Variants in KIAA1217 observed in about 807,000 individuals in gnomAD.
The protein encoded by KIAA1217 is KIAA1217, also known as sickle tail protein homolog.
In KIAA1217, 88 loss-of-function variants were observed where a neutral mutation model predicts 163.9. That is an observed-to-expected ratio of 0.54 (90% CI 0.45 to 0.64). The LOEUF is 0.64. KIAA1217 is among the 30% of genes least tolerant of loss of function. The pLI is 0.00. For missense variants in KIAA1217, 2,372 were observed against 2,475.0 expected, an observed-to-expected ratio of 0.96 and a Z score of 0.88; for synonymous variants, 903 against 923.1, an observed-to-expected ratio of 0.98 and a Z score of 0.39.
At chr10:24,486,909 TC>T (rs2065476011) in intron 6 of KIAA1217, among the ~76,000 whole-genome samples, 1 of 152,228 alleles carries the variant, frequency 6.6e-6, no homozygotes, top group African/African-American at 2.4e-5. Flanking sequence ...CATGTCTATG[TC>T]CTTAGTGCCT....
intron 2 of KIAA1217, among the ~76,000 whole-genome samples, chr10:24,166,525 G>A (rs1459272596): frequency 2.0e-5 from 3 of 152,084 alleles, no homozygotes; most frequent in African/African-American, 7.2e-5. Flanking sequence ...ATCACTTGAG[G>A]TAAGGGGTTC....
intron 3 of KIAA1217, among the ~76,000 whole-genome samples, chr10:24,397,010 G>C (rs11014078): frequency 5.9e-5 from 9 of 151,872 alleles, no homozygotes; most frequent in African/African-American, 2.2e-4. Context: ...GCAGGGAAAA[G>C]AATCTGGGTT....
In KIAA1217 at chr10:24,527,786, T is replaced by G. The variant is rs2072432439; in HGVS notation, c.2899-150T>G. The G allele has an allele frequency of 5.4e-6, 3 of 560,282 alleles. No individual in the cohort carries two copies. The East Asian group carries it at 8.3e-5, about 16-fold the overall frequency. The allele number at this position is 560,282 out of a possible 1,614,324, so 34.7% of individuals were successfully genotyped here. On this transcript the variant is annotated intron_variant, in intron 13 of 20. Coordinates refer to ENST00000376454, the MANE Select transcript of KIAA1217 (RefSeq NM_019590.5). ...TCATATGGGTTTGTTGTGCAGATTA[T>G]TTCATCACCCAGGTCTTAAGCCCAG...
At chr10:23,931,452 A>G (rs1225439672) in intron 1 of KIAA1217, among the ~76,000 whole-genome samples, 4 of 152,120 alleles carry the variant, frequency 2.6e-5, no homozygotes, top group South Asian at 2.1e-4. Context: ...AGGCCATCCC[A>G]TCTAACATTT....
intron 2 of KIAA1217, chr10:24,239,351 G>T (rs924060635): frequency 4.1e-6 from 4 of 971,424 alleles, no homozygotes; most frequent in Non-Finnish European, 4.9e-6. Context: ...AATATGCGGG[G>T]TTTTTTTCTT....
intron 2 of KIAA1217, among the ~76,000 whole-genome samples, chr10:24,047,805 A>G (rs977662528): frequency 6.6e-6 from 1 of 152,140 alleles, no homozygotes; most frequent in African/African-American, 2.4e-5. Flanking sequence ...TGGCACTCAA[A>G]TTTATTCTGG....
intron 13 of KIAA1217, among the ~76,000 whole-genome samples, chr10:24,526,109 A>G (rs1171335867): frequency 1.3e-5 from 2 of 152,072 alleles, no homozygotes; most frequent in Non-Finnish European, 2.9e-5. Context: ...TTGCCTCGTA[A>G]CTTTTCCTCC....
At chr10:24,109,046 G>A (rs566646699) in intron 2 of KIAA1217, among the ~76,000 whole-genome samples, 1 of 152,258 alleles carries the variant, frequency 6.6e-6, no homozygotes, top group South Asian at 2.1e-4. Flanking sequence ...TGGCCAGGCT[G>A]CTCTTGAACT....
At position 24,433,326 on chromosome 10, in the gene KIAA1217, GTTTT is replaced by G. The variant is rs145136433; in HGVS notation, c.752+136_752+139del. The G allele has an allele frequency of 2.2e-3, 1,385 of 644,150 alleles. 24 individuals are homozygous for G. The African/African-American group carries it at 0.024, about 11-fold the overall frequency. The allele number at this position is 644,150 out of a possible 1,614,324, so 39.9% of individuals were successfully genotyped here. On this transcript the variant is annotated intron_variant, in intron 4 of 20. Coordinates refer to ENST00000376454, the MANE Select transcript of KIAA1217 (RefSeq NM_019590.5). ...AGTGTTTTTTTGTTTTTTGTTTTTTGTTTTTTGTTTTTTGTTTGGTCCATCATAT... is the reference window on the plus strand; with the variant it reads ...AGTGTTTTTTTGTTTTTTGTTTTTTGTTGTTTTTTGTTTGGTCCATCATAT...
chr10:24,546,568 T>A lies in KIAA1217; in HGVS notation c.*244T>A, dbSNP rs927768626. 2 of 417,822 alleles carry A rather than the reference T, an allele frequency of 4.8e-6. No individual in the cohort carries two copies. The highest frequency in any genetic ancestry group is 4.1e-5 in the Admixed American group (1 of 24,352). 25.9% of individuals were successfully genotyped at this position (417,822 alleles called of 1,614,324 possible). On this transcript the variant is annotated 3_prime_UTR_variant, in exon 21 of 21. Transcript: ENST00000376454. ...ATACCTATAAAATGCAGTAAGCATG[T>A]GTTACAGAAAGAGGTTCTGGTGGGA...
chr10:23,713,260 T>A (rs552990154), intron 1 of KIAA1217, among the ~76,000 whole-genome samples: 8 of 152,256 alleles, frequency 5.3e-5, no homozygotes, highest in South Asian at 4.1e-4. Flanking sequence ...TTTGCTTGAC[T>A]TTTTGCTGCT....
chr10:24,409,068 T>C (rs951634758), intron 3 of KIAA1217, among the ~76,000 whole-genome samples: 1 of 152,206 alleles, frequency 6.6e-6, no homozygotes, highest in African/African-American at 2.4e-5. Flanking sequence ...TATTGGACTT[T>C]CGAAGCACTT....
At chr10:23,934,471 C>T (rs1843389514) in intron 1 of KIAA1217, among the ~76,000 whole-genome samples, 1 of 146,914 alleles carries the variant, frequency 6.8e-6, no homozygotes, top group Non-Finnish European at 1.5e-5. Flanking sequence ...AACAAATCTG[C>T]ACATTCTGCA....
chr10:23,962,671 A>G (rs1844868071), intron 1 of KIAA1217, among the ~76,000 whole-genome samples: 1 of 152,210 alleles, frequency 6.6e-6, no homozygotes, highest in Non-Finnish European at 1.5e-5. Context: ...AAATATTCTG[A>G]TTCCATCTAT....
At chr10:24,402,365 C>T (rs1296723118) in intron 3 of KIAA1217, among the ~76,000 whole-genome samples, 2 of 151,800 alleles carry the variant, frequency 1.3e-5, no homozygotes, top group Middle Eastern at 3.4e-3. Context: ...AAAAATTAGC[C>T]GGGCGTATTG....
chr10:24,495,239 C>G, intron 8 of KIAA1217, 43 bp downstream of exon 8: 1 of 1,521,846 alleles, frequency 6.6e-7, no homozygotes, highest in Non-Finnish European at 9.1e-7. Flanking sequence ...TGTGGGCTGC[C>G]TGGGATGAGC....
At chr10:24,276,092 A>G (rs17583876) in intron 2 of KIAA1217, among the ~76,000 whole-genome samples, 48,093 of 152,020 alleles carry the variant, frequency 0.32, 8,382 homozygotes, top group Admixed American at 0.47. Flanking sequence ...GAGGACTGTC[A>G]GTTTTGTCGT....
chr10:23,899,733 GT>G (rs978238666), intron 1 of KIAA1217, among the ~76,000 whole-genome samples: 3 of 152,072 alleles, frequency 2.0e-5, no homozygotes, highest in Non-Finnish European at 2.9e-5. Flanking sequence ...GAGGACCACA[GT>G]CTAATGTTTT....
At chr10:24,483,321 G>A (rs2064944298) in intron 6 of KIAA1217, among the ~76,000 whole-genome samples, 1 of 152,102 alleles carries the variant, frequency 6.6e-6, no homozygotes, top group Admixed American at 6.5e-5. Context: ...CACCTGACTT[G>A]CTACAGTGGT....
Sources: allele counts gnomAD v4.1 joint callset (sites outside exome capture counted in the v4.1 genomes callset), GRCh38; gene constraint gnomAD v4.1.1; transcripts MANE v1.5; gene names NCBI Gene and HGNC (gene_info 2026-07-23, HGNC 2026-07-21).